The following LRBA variants were observed in gnomAD, a reference collection of about 807,000 sequenced individuals.
The protein encoded by LRBA is lipopolysaccharide-responsive and beige-like anchor protein.
A neutral mutation model predicts 330.0 loss-of-function variants in LRBA; 176 were observed. That is an observed-to-expected ratio of 0.53 (90% CI 0.47 to 0.60). LRBA has a LOEUF of 0.60. Among genes scored for constraint, LRBA ranks in the 20% least tolerant of loss-of-function variants. LRBA has a pLI of 0.00. For synonymous variants in LRBA, 1,230 were observed against 1,193.0 expected (o/e 1.03, Z -0.64); for missense variants, 3,259 against 3,444.8 (o/e 0.95, Z 1.35).
At chr4:150,637,400 G>A (rs966520694) in intron 37 of LRBA, among the ~76,000 whole-genome samples, 3 of 151,902 alleles carry the variant, frequency 2.0e-5, no homozygotes, top group Non-Finnish European at 2.9e-5. Context: ...ACATTGTTTC[G>A]GCTGTTGTGA....
At chr4:150,670,508 C>T (rs1469566671) in intron 37 of LRBA, among the ~76,000 whole-genome samples, 2 of 152,108 alleles carry the variant, frequency 1.3e-5, no homozygotes, top group Non-Finnish European at 2.9e-5. Context: ...TTGCCCTTTC[C>T]TAGCTCTGAA....
intron 17 of LRBA, among the ~76,000 whole-genome samples, chr4:150,885,688 A>G (rs540657649): frequency 6.6e-6 from 1 of 152,324 alleles, no homozygotes; most frequent in South Asian, 2.1e-4. Context: ...ACAATGAAAA[A>G]AACCTTAAAA....
intron 47 of LRBA, among the ~76,000 whole-genome samples, chr4:150,367,059 T>C (rs769222166): frequency 2.0e-4 from 31 of 152,376 alleles, no homozygotes; most frequent in Middle Eastern, 3.4e-3. Context: ...TTAGTATTTA[T>C]GCTAACAAAT....
At chr4:150,601,987 G>A (rs536307441) in intron 37 of LRBA, among the ~76,000 whole-genome samples, 3 of 151,674 alleles carry the variant, frequency 2.0e-5, no homozygotes, top group East Asian at 3.9e-4. Flanking sequence ...CACCGCACCC[G>A]GCCTATTCTA....
intron 47 of LRBA, among the ~76,000 whole-genome samples, chr4:150,364,526 A>T (rs377614614): frequency 6.6e-6 from 1 of 152,204 alleles, no homozygotes; most frequent in African/African-American, 2.4e-5. Flanking sequence ...GCAATATGAA[A>T]ACTCTAAAAA....
At chr4:150,512,529 C>G (rs1761934206) in intron 40 of LRBA, among the ~76,000 whole-genome samples, 1 of 152,072 alleles carries the variant, frequency 6.6e-6, no homozygotes, top group Non-Finnish European at 1.5e-5. Context: ...CTCTAGCCCT[C>G]TTTCCACCAG....
chr4:150,838,181 C>T (rs1166501767), intron 28 of LRBA, among the ~76,000 whole-genome samples: 1 of 152,154 alleles, frequency 6.6e-6, no homozygotes, highest in East Asian at 1.9e-4. Flanking sequence ...GATGAGCTTC[C>T]CTTTGTGGGT....
At chr4:150,838,512 ACTTCT>A (rs1276836966) in intron 28 of LRBA, among the ~76,000 whole-genome samples, 2 of 151,840 alleles carry the variant, frequency 1.3e-5, no homozygotes, top group East Asian at 3.9e-4. Flanking sequence ...TTTTCTCTAA[ACTTCT>A]CTTCTCACTT....
chr4:150,602,571 C>A (rs1774228501), intron 37 of LRBA, among the ~76,000 whole-genome samples: 1 of 151,548 alleles, frequency 6.6e-6, no homozygotes, highest in Admixed American at 6.6e-5. Context: ...AACGCTCTAC[C>A]ACACACACAC....
intron 56 of LRBA, among the ~76,000 whole-genome samples, chr4:150,274,792 T>C (rs1398415495): frequency 1.3e-5 from 2 of 150,894 alleles, no homozygotes; most frequent in Non-Finnish European, 3.0e-5. Flanking sequence ...CTGAAATCAA[T>C]AGCCTACCAA....
At chr4:150,635,924 T>C (rs960176936) in intron 37 of LRBA, among the ~76,000 whole-genome samples, 1 of 152,184 alleles carries the variant, frequency 6.6e-6, no homozygotes, top group African/African-American at 2.4e-5. Context: ...GACACTGACA[T>C]TTAGATGATT....
chr4:150,853,852 T>C (rs1750915834), intron 22 of LRBA, among the ~76,000 whole-genome samples: 1 of 152,152 alleles, frequency 6.6e-6, no homozygotes, highest in Non-Finnish European at 1.5e-5. Flanking sequence ...CAGAAAGTAT[T>C]AGCCTAATTA....
At chr4:150,593,823 C>T (rs1241618652) in intron 38 of LRBA, among the ~76,000 whole-genome samples, 2 of 151,996 alleles carry the variant, frequency 1.3e-5, no homozygotes, top group East Asian at 3.9e-4. Flanking sequence ...AATCTGCAAA[C>T]ATTTACAAAA....
chr4:150,668,593 T>G (rs1472089398), intron 37 of LRBA, among the ~76,000 whole-genome samples: 3 of 152,240 alleles, frequency 2.0e-5, no homozygotes, highest in Non-Finnish European at 4.4e-5. Flanking sequence ...TCTTTAAAGC[T>G]TGGAACCTGT....
At chr4:150,579,342 C>G (rs1234460375) in intron 40 of LRBA, 4 of 446,898 alleles carry the variant, frequency 9.0e-6, no homozygotes, top group Non-Finnish European at 1.8e-5. Flanking sequence ...GCTCTTAGAG[C>G]AGAGGCAGCC....
intron 46 of LRBA, among the ~76,000 whole-genome samples, chr4:150,427,052 G>A (rs1749729560): frequency 6.6e-6 from 1 of 151,882 alleles, no homozygotes; most frequent in Non-Finnish European, 1.5e-5. Context: ...ACTGCCGTAA[G>A]AGAAGATGCA....
intron 39 of LRBA, among the ~76,000 whole-genome samples, 154 bp downstream of exon 39, chr4:150,590,559 A>C (rs1772686078): frequency 6.6e-6 from 1 of 152,136 alleles, no homozygotes; most frequent in African/African-American, 2.4e-5. Context: ...AATAAAGGAG[A>C]AACTGTAGAA....
At chr4:150,926,643 A>AG (rs1733915082) in intron 4 of LRBA, among the ~76,000 whole-genome samples, 1 of 152,220 alleles carries the variant, frequency 6.6e-6, no homozygotes, top group Non-Finnish European at 1.5e-5. Context: ...TGAGTAAAAA[A>AG]CTGACCTAGA....
chr4:150,550,591 GTGTAA>G (rs1222169114), intron 40 of LRBA, among the ~76,000 whole-genome samples: 1 of 152,144 alleles, frequency 6.6e-6, no homozygotes, highest in Non-Finnish European at 1.5e-5. Flanking sequence ...TCATAATAAA[GTGTAA>G]TGTATTTCAT....
Sources: allele counts gnomAD v4.1 joint callset (sites outside exome capture counted in the v4.1 genomes callset), GRCh38; gene constraint gnomAD v4.1.1; transcripts MANE v1.5; gene names NCBI Gene and HGNC (gene_info 2026-07-23, HGNC 2026-07-21).